NCOR1: variants seen among roughly 807,000 people sequenced by gnomAD.
The protein encoded by NCOR1 is protein phosphatase 1, regulatory subunit 109.
In NCOR1, 63 loss-of-function variants were observed where a neutral mutation model predicts 288.1. That is an observed-to-expected ratio of 0.22 (90% CI 0.18 to 0.27). The LOEUF is 0.27. Ranked by LOEUF, NCOR1 falls within the 10% of genes least tolerant of loss-of-function variation. The probability of loss-of-function intolerance (pLI) is 1.00; values close to 1 mark genes in which losing one functional copy is unlikely to be tolerated. For missense variants in NCOR1, 2,397 were observed against 3,019.2 expected, an observed-to-expected ratio of 0.79 and a Z score of 4.83; for synonymous variants, 1,007 against 1,065.9, an observed-to-expected ratio of 0.94 and a Z score of 1.08.
rs761581300 is a variant in NCOR1 at position 16,138,229 on chromosome 17, A to G, written c.1353-17T>C. On this transcript the variant is annotated splice_polypyrimidine_tract_variant and intron_variant, in intron 12 of 45. Transcript: ENST00000268712. The stretch of plus-strand genomic sequence containing the variant: ...TGGATAAACCTGAGTGAAAACGAAA[A>G]CAAAAACACACTTGCGTACAAATAT... 1.3e-5 allele frequency: 21 copies of G among 1,599,014 alleles called. No homozygotes were observed. Among genetic ancestry groups the G allele is most frequent in the Non-Finnish European group, 1.7e-5 (20 of 1,169,868 alleles).
At chr17:16,111,442 A>C (rs2070141934) in intron 18 of NCOR1, among the ~76,000 whole-genome samples, 2 of 151,956 alleles carry the variant, frequency 1.3e-5, no homozygotes, top group Admixed American at 6.6e-5. Flanking sequence ...TCTCTACTAA[A>C]AATACAAACA....
chr17:16,031,602 G>GA lies in NCOR1; in HGVS notation c.*693dup, dbSNP rs984623762. 3,299 of 196,704 alleles carry GA rather than the reference G, an allele frequency of 0.017. No homozygotes were observed. Among genetic ancestry groups the GA allele is most frequent in the Middle Eastern group, 0.036 (22 of 608 alleles). The allele number at this position is 196,704 out of a possible 1,614,324, so 12.2% of individuals were successfully genotyped here. A position where few individuals can be genotyped will look rare whatever the true frequency, so the allele number is the denominator to read the frequency against. ...GTAATATTTTTTCAGTGCTACTAAT[G>GA]AAAAAAAAAAATTAAAGCCTGCACT... On this transcript the variant is annotated 3_prime_UTR_variant, in exon 46 of 46. Transcript: ENST00000268712.
chr17:16,046,879 G>A (rs774478052), intron 42 of NCOR1, 72 bp downstream of exon 42: 2 of 1,547,010 alleles, frequency 1.3e-6, no homozygotes, highest in Non-Finnish European at 8.8e-7. Context: ...AAGCATTACA[G>A]GAGAGGCAAC....
At chr17:16,162,803 G>T (rs1030421865) in intron 5 of NCOR1, among the ~76,000 whole-genome samples, 6 of 152,134 alleles carry the variant, frequency 3.9e-5, no homozygotes, top group African/African-American at 1.4e-4. Flanking sequence ...TCCCTTCGAT[G>T]GAAGACTTGA....
At chr17:16,127,205 GTA>G (rs764549903) in intron 14 of NCOR1, among the ~76,000 whole-genome samples, 3 of 139,880 alleles carry the variant, frequency 2.1e-5, no homozygotes, top group Non-Finnish European at 3.0e-5. Flanking sequence ...ATACATGTAT[GTA>G]TATATCTGTA....
intron 21 of NCOR1, among the ~76,000 whole-genome samples, chr17:16,095,326 C>T (rs1454375358): frequency 2.7e-5 from 4 of 148,854 alleles, no homozygotes; most frequent in Non-Finnish European, 4.5e-5. Flanking sequence ...ACCCTCTGCC[C>T]GGCTGCCACC....
chr17:16,126,646 C>T (rs562312182), intron 14 of NCOR1, among the ~76,000 whole-genome samples: 24 of 152,232 alleles, frequency 1.6e-4, no homozygotes, highest in Admixed American at 5.9e-4. Context: ...TGCATTTATA[C>T]TTTTGAGCGA....
rs767227073 is a variant in NCOR1, at chr17:16,098,397, A to G, written c.2790T>C (p.Leu930=). ...LKPNPLDLPQ[L]QHRAAVIPPM... Reference sequence around the variant, plus strand: ...GTGGGATAACAGCAGCTCGATGCTGAAGCTGTGGCAGATCCAGTGGATTTG... The same window carrying G: ...GTGGGATAACAGCAGCTCGATGCTGGAGCTGTGGCAGATCCAGTGGATTTG... Residue 930 remains leucine, a synonymous_variant, in exon 21 of 46, where the codon CTT becomes CTC. Transcript: ENST00000268712. The G allele has an allele frequency of 1.2e-6, 2 of 1,614,128 alleles. No homozygotes were observed. The highest frequency in any genetic ancestry group is 1.7e-6 in the Non-Finnish European group (2 of 1,180,014).
At position 16,047,108 on chromosome 17, in the gene NCOR1, G is replaced by C. The variant is rs1403826490; in HGVS notation, c.6537-15C>G. The stretch of plus-strand genomic sequence containing the variant: ...GGGCATCATTCCTGTTAGGGCCAAA[G>C]TTAAGTATATTACAACCACGTACTC... On this transcript the variant is annotated splice_polypyrimidine_tract_variant and intron_variant, in intron 41 of 45. Coordinates refer to ENST00000268712, the MANE Select transcript of NCOR1 (RefSeq NM_006311.4). 1 of 1,606,718 alleles carries C rather than the reference G, an allele frequency of 6.2e-7. No homozygotes were observed. The highest frequency in any genetic ancestry group is 8.5e-7 in the Non-Finnish European group (1 of 1,176,532).
At position 16,186,634 on chromosome 17, in the gene NCOR1, T is replaced by C; in HGVS notation, c.162A>G (p.Ser54=). 6.2e-7 allele frequency: 1 copy of C among 1,614,144 alleles called. No individual in the cohort carries two copies. The highest frequency in any genetic ancestry group is 8.5e-7 in the Non-Finnish European group (1 of 1,179,994). Residue 54 remains serine, a synonymous_variant, in exon 3 of 46, where the codon TCA becomes TCG. Transcript: ENST00000268712. ...GCTGCTGCTGTTGCTGCAAAAGCTG[T>C]GATGCCTGACTCACTTCAAGATGAG... is the stretch of plus-strand genomic sequence containing the variant. ...RSSHLEVSQA[S]QLLQQQQQQQ...
chr17:16,056,382 GGGTTCAAGTGATTCTTCCGCCCA>G (rs1347688393), intron 40 of NCOR1, among the ~76,000 whole-genome samples: 1 of 139,572 alleles, frequency 7.2e-6, no homozygotes, highest in Non-Finnish European at 1.5e-5. Flanking sequence ...GCATGATCTC[GGGTTCAAGTGATTCTTCCGCCCA>G]GGTTCAAGCG....
At chr17:16,145,376 G>A (rs1599377756) in intron 10 of NCOR1, among the ~76,000 whole-genome samples, 1 of 150,608 alleles carries the variant, frequency 6.6e-6, no homozygotes, top group South Asian at 2.1e-4. Flanking sequence ...TGGGATGTGG[G>A]GAGTGCCTCT....
intron 14 of NCOR1, among the ~76,000 whole-genome samples, chr17:16,128,749 C>T (rs114455432): frequency 0.018 from 2,749 of 152,132 alleles, 86 homozygotes; most frequent in African/African-American, 0.062. Flanking sequence ...TTCTTAATAG[C>T]GCTCCAAAGT....
intron 3 of NCOR1, among the ~76,000 whole-genome samples, chr17:16,176,922 C>A (rs1351029915): frequency 6.6e-6 from 1 of 151,956 alleles, no homozygotes; most frequent in African/African-American, 2.4e-5. Context: ...TCTATCAATT[C>A]TTCCTTAACT....
intron 2 of NCOR1, among the ~76,000 whole-genome samples, chr17:16,192,770 A>G (rs1296148522): frequency 6.6e-6 from 1 of 152,238 alleles, no homozygotes; most frequent in African/African-American, 2.4e-5. Flanking sequence ...AAACATATAG[A>G]TATATGTTTT....
intron 28 of NCOR1, among the ~76,000 whole-genome samples, chr17:16,072,893 T>G (rs1034953221): frequency 3.9e-5 from 6 of 152,218 alleles, no homozygotes; most frequent in African/African-American, 1.4e-4. Context: ...GATCATGTAC[T>G]GAAGCCATAT....
chr17:16,209,858 C>T lies in NCOR1; in HGVS notation c.-71+5504G>A, dbSNP rs777326974. The stretch of plus-strand genomic sequence containing the variant: ...TCCCAGCTACTTGGGAGGCTGAGAA[C>T]GAGAATCACTTGAACCTGAGAAGTG... On this transcript the variant is annotated intron_variant, in intron 1 of 45. Transcript: ENST00000268712. Among the ~76,000 whole-genome samples the T allele has an allele frequency of 9.8e-4, 146 of 149,710 alleles. 1 individual carries two copies. Among genetic ancestry groups the T allele is most frequent in the Non-Finnish European group, 9.5e-4 (64 of 67,390 alleles).
At chr17:16,041,760 G>A (rs907508495) in intron 42 of NCOR1, among the ~76,000 whole-genome samples, 1 of 151,052 alleles carries the variant, frequency 6.6e-6, no homozygotes, top group Non-Finnish European at 1.5e-5. Context: ...TTTTTAAGAC[G>A]GAGTCTCACT....
Position 16,127,602 on chromosome 17 carries a change from C to T in NCOR1, c.1510-1396G>A, listed in dbSNP as rs540297587. ...ACATATGTGTATATATGTATGTATA[C>T]ATACATATGTGTATGTGTATATATA... On this transcript the variant is annotated intron_variant, in intron 14 of 45. Coordinates refer to ENST00000268712, the MANE Select transcript of NCOR1 (RefSeq NM_006311.4). 3.0e-3 allele frequency among the ~76,000 whole-genome samples: 342 copies of T among 114,960 alleles called. 5 individuals carry two copies. The highest frequency in any genetic ancestry group is 0.013 in the African/African-American group (310 of 23,348). The allele number at this position is 114,960 out of a possible 152,430, so 75.4% of individuals were successfully genotyped here.
Sources: gnomAD v4.1 joint callset for allele counts (sites outside exome capture counted in the v4.1 genomes callset) on GRCh38, gnomAD v4.1.1 for gene constraint, MANE v1.5 for transcripts, NCBI Gene and HGNC (gene_info 2026-07-23, HGNC 2026-07-21) for gene names.